The following REEP1 variants were observed in gnomAD, a reference collection of about 807,000 sequenced individuals.
REEP1 encodes the protein receptor expression-enhancing protein 1.
REEP1 carries 22 observed loss-of-function variants against 40.3 expected under a neutral mutation model. The ratio of observed to expected loss-of-function variants is 0.55; its 90% CI spans 0.39 to 0.78. The LOEUF is 0.78. Ranked by LOEUF, REEP1 falls within the 30% of genes least tolerant of loss-of-function variation. The pLI is 0.00. For missense variants in REEP1, 280 were observed against 361.1 expected, an observed-to-expected ratio of 0.78 and a Z score of 1.82; for synonymous variants, 116 against 139.2, an observed-to-expected ratio of 0.83 and a Z score of 1.17.
chr2:86,285,979 C>T (rs12617962), intron 1 of REEP1, among the ~76,000 whole-genome samples: 4,815 of 152,284 alleles, frequency 0.032, 197 homozygotes, highest in East Asian at 0.22. Context: ...ACACTTCTCT[C>T]GGTTATCTCT....
chr2:86,309,346 G>C (rs1679651866), intron 1 of REEP1, among the ~76,000 whole-genome samples: 2 of 152,204 alleles, frequency 1.3e-5, no homozygotes, highest in South Asian at 2.1e-4. Context: ...CCTGGTCAAG[G>C]CTATCTTGGC....
intron 5 of REEP1, chr2:86,251,409 A>T (rs1676264297): frequency 5.9e-6 from 1 of 169,420 alleles, no homozygotes; most frequent in South Asian, 1.4e-4. Context: ...GGCTTGGCAC[A>T]TTACTGACCT....
chr2:86,237,391 TACTGACACGCCGAGCTG>T (rs1675418531), intron 5 of REEP1, among the ~76,000 whole-genome samples: 2 of 152,244 alleles, frequency 1.3e-5, no homozygotes, highest in South Asian at 4.1e-4. Context: ...CATAAGTGGA[TACTGACACGCCGAGCTG>T]AAAAGTGATT....
chr2:86,328,670 T>G (rs1268563848), intron 1 of REEP1, among the ~76,000 whole-genome samples: 1 of 151,872 alleles, frequency 6.6e-6, no homozygotes, highest in Non-Finnish European at 1.5e-5. Context: ...AGAGTAAGAA[T>G]CCATCTTAAA....
At chr2:86,223,825 G>T (rs1256418237) in intron 7 of REEP1, 1 of 152,076 alleles carries the variant, frequency 6.6e-6, no homozygotes, top group Non-Finnish European at 1.5e-5. Context: ...TTTAAAAGGG[G>T]GGGAGGGACA....
chr2:86,228,449 C>T lies in REEP1; in HGVS notation c.596-1051G>A, dbSNP rs145265514. Among the ~76,000 whole-genome samples the T allele has an allele frequency of 2.2e-3, 258 of 117,258 alleles. 4 individuals carry two copies. Among genetic ancestry groups the T allele is most frequent in the African/African-American group, 6.7e-3 (247 of 36,738 alleles). The allele number at this position is 117,258 out of a possible 152,430, so 76.9% of individuals were successfully genotyped here. A position where few individuals can be genotyped will look rare whatever the true frequency, so the allele number is the denominator to read the frequency against. On this transcript the variant is annotated intron_variant, in intron 6 of 8. Transcript: ENST00000538924. ...ATGGTCCACACTGGTTCATGGGATC[C>T]CCTTCACTTTTTTTTTTTTTTTTAA...
intron 1 of REEP1, among the ~76,000 whole-genome samples, chr2:86,299,740 C>T (rs75764836): frequency 0.032 from 4,811 of 152,224 alleles, 196 homozygotes; most frequent in East Asian, 0.22. Flanking sequence ...TAGTTATTGG[C>T]TACTAATAAA....
chr2:86,311,615 T>C (rs1385904574), intron 1 of REEP1, among the ~76,000 whole-genome samples: 7 of 152,114 alleles, frequency 4.6e-5, no homozygotes, highest in Non-Finnish European at 8.8e-5. Context: ...TCTCAATCTG[T>C]GTCCAGATTT....
In REEP1 at chr2:86,337,435, GGGGA is replaced by G; in HGVS notation, c.32+40_32+43del. ...GCGCGCGCAGCCCGGGGCCGGGGGC[GGGGA>G]GGGAGGGGACGGAGGGGCGCGGGGG... is the stretch of plus-strand genomic sequence containing the variant. On this transcript the variant is annotated intron_variant, in intron 1 of 8. Coordinates refer to ENST00000538924, the MANE Select transcript of REEP1 (RefSeq NM_001371279.1). This position sits in a 1 kb window ranked among gnomAD's most constrained non-coding sequence, Gnocchi z 5.8. The G allele has an allele frequency of 1.7e-6, 2 of 1,207,178 alleles. No individual in the cohort carries two copies. The highest frequency in any genetic ancestry group is 3.3e-5 in the South Asian group (1 of 30,698). The allele number at this position is 1,207,178 out of a possible 1,614,324, so 74.8% of individuals were successfully genotyped here.
At chr2:86,323,728 A>G (rs1680378909) in intron 1 of REEP1, among the ~76,000 whole-genome samples, 1 of 152,222 alleles carries the variant, frequency 6.6e-6, no homozygotes, top group African/African-American at 2.4e-5. Flanking sequence ...TAAGGAGAAC[A>G]AGGTGGGGAA....
At chr2:86,329,734 C>T (rs369784116) in intron 1 of REEP1, among the ~76,000 whole-genome samples, 11 of 152,296 alleles carry the variant, frequency 7.2e-5, no homozygotes, top group African/African-American at 2.6e-4. Context: ...AATGCCAATG[C>T]TGCTGGTGCA....
chr2:86,260,356 A>G (rs1676792679), intron 3 of REEP1, among the ~76,000 whole-genome samples: 1 of 152,166 alleles, frequency 6.6e-6, no homozygotes, highest in Admixed American at 6.5e-5. Flanking sequence ...CAAATAAGGG[A>G]GCAGAAGAGG....
intron 1 of REEP1, among the ~76,000 whole-genome samples, chr2:86,323,936 C>T (rs1277748250): frequency 6.6e-6 from 1 of 151,552 alleles, no homozygotes; most frequent in East Asian, 1.9e-4. Flanking sequence ...ATAAATAGAG[C>T]CAGGAAAACT....
Position 86,220,089 on chromosome 2 carries a change from T to A in REEP1, c.664A>T (p.Lys222Ter). 8.1e-7 allele frequency: 1 copy of A among 1,232,164 alleles called. No homozygotes were observed. The highest frequency in any genetic ancestry group is 1.0e-6 in the Non-Finnish European group (1 of 987,998). The allele number at this position is 1,232,164 out of a possible 1,614,324, so 76.3% of individuals were successfully genotyped here. The change falls in exon 8 of 9, where the codon AAG (lysine) becomes TAG (stop). Residue 222 changes from lysine to a stop codon, truncating the protein, a stop_gained. Coordinates refer to ENST00000538924, the MANE Select transcript of REEP1 (RefSeq NM_001371279.1). LOFTEE classifies it high-confidence loss of function. ...TGGACCTGGTGGGGCTCCCATGCCT[T>A]CATACCACCCTCATTCACATCTCCC... ...VEGDVNEGGM[K>*]AWEPHQVQNP...
Position 86,316,864 on chromosome 2 carries a change from AAAT to A in REEP1, c.32+20612_32+20614del, listed in dbSNP as rs1225230445. On this transcript the variant is annotated intron_variant, in intron 1 of 8. Transcript: ENST00000538924. ...ACAAGAGTGAAACTCCATCTCAAAA[AAAT>A]AATAATAATAATCAAAAGGAGACCA... Among the ~76,000 whole-genome samples, 3 of 152,328 alleles carry A rather than the reference AAAT, an allele frequency of 2.0e-5. No homozygotes were observed. In the East Asian group the frequency reaches 5.8e-4, roughly 29 times the overall value.
At chr2:86,265,076 C>T (rs1236216357) in intron 2 of REEP1, among the ~76,000 whole-genome samples, 1 of 152,188 alleles carries the variant, frequency 6.6e-6, no homozygotes, top group Non-Finnish European at 1.5e-5. Flanking sequence ...TATAAATTCT[C>T]TTCAAAAACT....
At chr2:86,291,806 T>C (rs1297964567) in intron 1 of REEP1, among the ~76,000 whole-genome samples, 1 of 152,228 alleles carries the variant, frequency 6.6e-6, no homozygotes, top group Non-Finnish European at 1.5e-5. Flanking sequence ...TATTTAAAGC[T>C]GTCTGTAATG....
At chr2:86,231,923 C>A (rs1022513789) in intron 6 of REEP1, among the ~76,000 whole-genome samples, 1 of 152,212 alleles carries the variant, frequency 6.6e-6, no homozygotes, top group Non-Finnish European at 1.5e-5. Context: ...GAAGCCTCTG[C>A]GGATGGGCCC....
intron 1 of REEP1, among the ~76,000 whole-genome samples, chr2:86,284,585 G>C (rs1412462765): frequency 1.3e-5 from 2 of 152,190 alleles, no homozygotes; most frequent in Non-Finnish European, 2.9e-5. Flanking sequence ...CCATGGACTG[G>C]GGGGAAATAA....
Sources: allele counts gnomAD v4.1 joint callset (sites outside exome capture counted in the v4.1 genomes callset), GRCh38; gene constraint gnomAD v4.1.1; non-coding constraint Gnocchi (gnomAD v3.1); transcripts MANE v1.5; gene names NCBI Gene and HGNC (gene_info 2026-07-23, HGNC 2026-07-21).